GOSR2: variants seen among roughly 807,000 people sequenced by gnomAD.
GOSR2 encodes 27 kDa Golgi SNARE protein.
Under a neutral mutation model 27.9 loss-of-function variants are expected in GOSR2, and 20 were observed. The observed-to-expected ratio is 0.72, with a 90% CI of 0.50 to 1.04. The LOEUF is 1.04. Among genes scored for constraint, GOSR2 ranks in the 50% least tolerant of loss-of-function variants. The pLI is 0.00. For missense variants in GOSR2, 261 were observed against 270.5 expected (o/e 0.97, Z 0.25); for synonymous variants, 91 against 98.8 (o/e 0.92, Z 0.47).
chr17:46,974,878 G>A (rs1281454363), intron 6 of GOSR2, among the ~76,000 whole-genome samples: 1 of 152,146 alleles, frequency 6.6e-6, no homozygotes, highest in African/African-American at 2.4e-5. Flanking sequence ...CTTCTTCGAG[G>A]GAGTGGAAGC....
At position 46,940,573 on chromosome 17, in the gene GOSR2, A is replaced by C; in HGVS notation, c.*1813A>C. 6.2e-7 allele frequency: 1 copy of C among 1,614,224 alleles called. No homozygotes were observed. The highest frequency in any genetic ancestry group is 8.5e-7 in the Non-Finnish European group (1 of 1,180,036). On this transcript the variant is annotated 3_prime_UTR_variant, in exon 6 of 6. Coordinates refer to ENST00000640051, the MANE Select transcript of GOSR2 (RefSeq NM_004287.5). ...CCCCCAGGCACCCAAGGATCCTGCC[A>C]GACAGCACACTTTGGAGGAAGGTCT...
intron 6 of GOSR2, among the ~76,000 whole-genome samples, chr17:46,972,212 T>C (rs1280417672): frequency 1.3e-5 from 2 of 152,192 alleles, no homozygotes; most frequent in East Asian, 3.8e-4. Context: ...CCTGGCTTCC[T>C]GCTTTGCTTC....
chr17:46,935,670 A>G, intron 5 of GOSR2: 1 of 994,282 alleles, frequency 1.0e-6, no homozygotes, highest in Non-Finnish European at 1.2e-6. Flanking sequence ...AGAGCTTTAG[A>G]AGCTTCTAGA....
At chr17:46,933,522 A>C (rs2087727807) in intron 4 of GOSR2, 1 of 152,218 alleles carries the variant, frequency 6.6e-6, no homozygotes, top group Non-Finnish European at 1.5e-5. Flanking sequence ...GATGAAATTA[A>C]AAGACCTGAC....
chr17:46,932,143 A>C lies in GOSR2; in HGVS notation c.280A>C (p.Arg94=), dbSNP rs776398628. 2 of 1,614,022 alleles carry C rather than the reference A, an allele frequency of 1.2e-6. No homozygotes were observed. The highest frequency in any genetic ancestry group is 1.7e-6 in the Non-Finnish European group (2 of 1,180,000). ...AAACTTCCAGCATCGGCGCCATGCA[A>C]GGGAGCAGCAGGAGAGACAGCGAGA... ...LRNFQHRRHA[R]EQQERQREEL... Residue 94 remains arginine, a synonymous_variant, in exon 4 of 6, where the codon AGG becomes CGG. Coordinates refer to ENST00000640051, the MANE Select transcript of GOSR2 (RefSeq NM_004287.5).
chr17:46,943,244 A>G (rs1337444313), downstream of GOSR2, among the ~76,000 whole-genome samples: 5 of 152,172 alleles, frequency 3.3e-5, no homozygotes, highest in African/African-American at 1.2e-4. Context: ...TCTGGATCAG[A>G]AGGAGCCAGA....
chr17:46,956,111 G>A (rs2090691110), intron 6 of GOSR2, among the ~76,000 whole-genome samples: 1 of 152,088 alleles, frequency 6.6e-6, no homozygotes, highest in African/African-American at 2.4e-5. Flanking sequence ...CAGTTAGCAG[G>A]AGGGTCCATC....
At chr17:46,961,418 C>T (rs2091043091) in intron 6 of GOSR2, among the ~76,000 whole-genome samples, 1 of 151,968 alleles carries the variant, frequency 6.6e-6, no homozygotes, top group Admixed American at 6.6e-5. Flanking sequence ...ATCTATCGTC[C>T]CAGCTATTTG....
intron 5 of GOSR2, chr17:46,936,957 G>A (rs949491981): frequency 3.7e-6 from 1 of 273,342 alleles, no homozygotes; most frequent in Non-Finnish European, 5.4e-6. Flanking sequence ...TCATTAATGT[G>A]TATTTATTAA....
chr17:46,941,914 G>A lies in GOSR2; in HGVS notation c.*3154G>A, dbSNP rs1003981117. 9 of 984,848 alleles carry A rather than the reference G, an allele frequency of 9.1e-6. No homozygotes were observed. The highest frequency in any genetic ancestry group is 1.2e-4 in the Admixed American group (2 of 16,234). 61.0% of individuals were successfully genotyped at this position (984,848 alleles called of 1,614,324 possible). On this transcript the variant is annotated 3_prime_UTR_variant, in exon 6 of 6. Transcript: ENST00000640051. Reference sequence around the variant, plus strand: ...AAGGTGATTCTGATGTGTGTATTTTGGAACCACTGTCTCCTAGACAGAAAG... The same window carrying A: ...AAGGTGATTCTGATGTGTGTATTTTAGAACCACTGTCTCCTAGACAGAAAG...
rs780111337 is a variant in GOSR2, at chr17:46,939,865, A to T, written c.*1105A>T. ...TAAAGGCCAATCTGTCCTGAAGTCC[A>T]TCTAATGTGGTGAATCACTGAAAGT... On this transcript the variant is annotated 3_prime_UTR_variant, in exon 6 of 6. Coordinates refer to ENST00000640051, the MANE Select transcript of GOSR2 (RefSeq NM_004287.5). The T allele has an allele frequency of 4.0e-3, 3,991 of 994,190 alleles. 9 individuals are homozygous for T. The highest frequency in any genetic ancestry group is 4.2e-3 in the Non-Finnish European group (3,538 of 834,112). 61.6% of individuals were successfully genotyped at this position (994,190 alleles called of 1,614,324 possible).
chr17:46,957,479 G>C (rs1346710553), intron 6 of GOSR2, among the ~76,000 whole-genome samples: 1 of 152,174 alleles, frequency 6.6e-6, no homozygotes, highest in Non-Finnish European at 1.5e-5. Flanking sequence ...CAGGTGTGGT[G>C]GTGGGTGCCT....
chr17:46,970,870 T>C (rs965303192), downstream of GOSR2, among the ~76,000 whole-genome samples: 1 of 152,230 alleles, frequency 6.6e-6, no homozygotes, highest in African/African-American at 2.4e-5. Flanking sequence ...ACGTTCAAAG[T>C]GGTGCATATG....
In GOSR2 at chr17:46,940,824, T is replaced by C. The variant is rs1599074577; in HGVS notation, c.*2064T>C. The C allele has an allele frequency of 6.8e-7, 1 of 1,465,198 alleles. No homozygotes were observed. Among genetic ancestry groups the C allele is most frequent in the Admixed American group, 2.2e-5 (1 of 45,012 alleles). 90.8% of individuals were successfully genotyped at this position (1,465,198 alleles called of 1,614,324 possible). A position where few individuals can be genotyped will look rare whatever the true frequency, so the allele number is the denominator to read the frequency against. The stretch of plus-strand genomic sequence containing the variant: ...TTGGGTCTTTACCACCTGCGGCTGG[T>C]GGACAGCAGCCAGTGTGTCTGGACA... On this transcript the variant is annotated 3_prime_UTR_variant, in exon 6 of 6. Transcript: ENST00000640051.
intron 6 of GOSR2, among the ~76,000 whole-genome samples, chr17:46,973,535 T>C (rs1045905662): frequency 6.6e-6 from 1 of 152,088 alleles, no homozygotes; most frequent in Non-Finnish European, 1.5e-5. Context: ...ATCCATGGAC[T>C]GGAGTGCACT....
Position 46,931,079 on chromosome 17 carries a change from C to A in GOSR2, c.95-20C>A, listed in dbSNP as rs1568169577. On this transcript the variant is annotated intron_variant, in intron 2 of 5. Coordinates refer to ENST00000640051, the MANE Select transcript of GOSR2 (RefSeq NM_004287.5). ...CACTATCTCTTTTCCAGCAATTATTCTTTTTTCTTTTTTGTACAGTAGTAG... is the reference window on the plus strand; with the variant it reads ...CACTATCTCTTTTCCAGCAATTATTATTTTTTCTTTTTTGTACAGTAGTAG... 2 of 1,260,866 alleles carry A rather than the reference C, an allele frequency of 1.6e-6. No homozygotes were observed. 78.1% of individuals were successfully genotyped at this position (1,260,866 alleles called of 1,614,324 possible).
chr17:46,923,691 T>C (rs1176329268), intron 1 of GOSR2: 1 of 723,574 alleles, frequency 1.4e-6, no homozygotes, highest in Non-Finnish European at 1.9e-6. Context: ...CACATTTTTA[T>C]GGTACAAAGA....
At position 46,935,183 on chromosome 17, in the gene GOSR2, T is replaced by C; in HGVS notation, c.477+14T>C. The C allele has an allele frequency of 2.5e-6, 4 of 1,613,804 alleles. No individual in the cohort carries two copies. The highest frequency in any genetic ancestry group is 3.4e-6 in the Non-Finnish European group (4 of 1,179,648). Reference sequence around the variant, plus strand: ...CTGACCTTGAAGGTGGGGTCCCTGCTGGGGGACAGAGAGAAGGCCTCTTGT... The same window carrying C: ...CTGACCTTGAAGGTGGGGTCCCTGCCGGGGGACAGAGAGAAGGCCTCTTGT... On this transcript the variant is annotated intron_variant, in intron 5 of 5. Transcript: ENST00000640051.
downstream of GOSR2, among the ~76,000 whole-genome samples, chr17:46,971,272 G>A (rs1033900304): frequency 4.6e-5 from 7 of 152,152 alleles, no homozygotes; most frequent in Admixed American, 3.9e-4. Context: ...GGGAGGCAGA[G>A]GTTGCAGTGA....
Sources: gnomAD v4.1 joint callset for allele counts (sites outside exome capture counted in the v4.1 genomes callset) on GRCh38, gnomAD v4.1.1 for gene constraint, MANE v1.5 for transcripts, NCBI Gene and HGNC (gene_info 2026-07-23, HGNC 2026-07-21) for gene names.